The following ABCA9 variants were observed in gnomAD, a reference collection of about 807,000 sequenced individuals.
The protein encoded by ABCA9 is ATP-binding cassette sub-family A member 9.
A neutral mutation model predicts 205.3 loss-of-function variants in ABCA9; 183 were observed. The observed-to-expected ratio is 0.89, with a 90% CI of 0.79 to 1.01. The LOEUF is 1.01. ABCA9 is among the 50% of genes least tolerant of loss of function. The pLI is 0.00. For synonymous variants in ABCA9, 651 were observed against 683.3 expected (o/e 0.95, Z 0.74); for missense variants, 1,805 against 1,912.4 (o/e 0.94, Z 1.05).
the ABCA9 span, among the ~76,000 whole-genome samples, chr17:69,074,297 G>A: frequency 1.3e-5 from 2 of 152,024 alleles, no homozygotes; most frequent in Non-Finnish European, 2.9e-5. Flanking sequence ...TACATGTGAA[G>A]GTTTCTTACA....
intron 20 of ABCA9, 39 bp downstream of exon 20, chr17:69,018,374 G>A (rs1567947316): frequency 4.9e-6 from 7 of 1,438,612 alleles, no homozygotes; most frequent in Non-Finnish European, 4.6e-6. Flanking sequence ...CTCTCAACAA[G>A]AACAACATTT....
At chr17:69,052,885 C>G (rs1376619703) in intron 1 of ABCA9, among the ~76,000 whole-genome samples, 1 of 152,130 alleles carries the variant, frequency 6.6e-6, no homozygotes, top group Non-Finnish European at 1.5e-5. Context: ...GCTCACAGAA[C>G]TCAGAAAAAC....
intron 2 of ABCA9, among the ~76,000 whole-genome samples, chr17:69,049,907 T>G (rs944235395): frequency 2.0e-5 from 3 of 152,084 alleles, no homozygotes; most frequent in African/African-American, 7.2e-5. Context: ...GTTGCTGGTA[T>G]GTGGAAGAAG....
intron 25 of ABCA9, among the ~76,000 whole-genome samples, chr17:69,007,198 C>T (rs540636003): frequency 3.3e-5 from 5 of 152,200 alleles, no homozygotes; most frequent in Non-Finnish European, 7.4e-5. Context: ...GTCAGGAGTT[C>T]ATGACCAGCC....
chr17:68,977,452 C>G (rs2068921489), intron 37 of ABCA9, among the ~76,000 whole-genome samples: 1 of 152,078 alleles, frequency 6.6e-6, no homozygotes, highest in Admixed American at 6.5e-5. Context: ...TACACTACAC[C>G]CTGGAGAGGC....
intron 25 of ABCA9, among the ~76,000 whole-genome samples, chr17:68,999,641 C>A (rs535438401): frequency 4.0e-5 from 6 of 151,832 alleles, no homozygotes; most frequent in Non-Finnish European, 7.4e-5. Flanking sequence ...GGTATATACG[C>A]AGTAATGGGA....
At chr17:69,045,962 C>A (rs529240020) in intron 3 of ABCA9, among the ~76,000 whole-genome samples, 5 of 152,032 alleles carry the variant, frequency 3.3e-5, no homozygotes, top group Admixed American at 6.6e-5. Context: ...AATAATTTAA[C>A]GCACAATGAA....
rs763864164 is a variant in ABCA9 at position 69,016,303 on chromosome 17, T to C, written c.2989A>G (p.Ile997Val). 1 of 1,601,410 alleles carries C rather than the reference T, an allele frequency of 6.2e-7. No homozygotes were observed. Among genetic ancestry groups the C allele is most frequent in the Non-Finnish European group, 8.5e-7 (1 of 1,175,398 alleles). The change falls in exon 22 of 39, where the codon ATT becomes GTT. Residue 997 changes from isoleucine (I) to valine (V), a missense_variant. Coordinates refer to ENST00000340001, the MANE Select transcript of ABCA9 (RefSeq NM_080283.4). ...LDVISNGLLGIFNSSEHIQTD... is the reference protein window; with the variant it reads ...LDVISNGLLGVFNSSEHIQTD... Reference sequence around the variant, plus strand: ...TGAATGTGTTCTGACGAATTAAAAATTCCAAGTAGTCCATTGCTAATGACA... The same window carrying C: ...TGAATGTGTTCTGACGAATTAAAAACTCCAAGTAGTCCATTGCTAATGACA...
chr17:69,011,172 T>C (rs979838205), intron 23 of ABCA9, among the ~76,000 whole-genome samples: 4 of 152,178 alleles, frequency 2.6e-5, no homozygotes, highest in African/African-American at 9.6e-5. Context: ...AACTAGTATC[T>C]CATTTTATAG....
At chr17:68,981,998 A>T (rs1465005291) in intron 37 of ABCA9, among the ~76,000 whole-genome samples, 4 of 152,184 alleles carry the variant, frequency 2.6e-5, no homozygotes, top group Non-Finnish European at 5.9e-5. Flanking sequence ...CCCCTGATAC[A>T]TTGATGCAGT....
At chr17:69,013,513 G>A (rs955156422) in intron 22 of ABCA9, among the ~76,000 whole-genome samples, 4 of 152,070 alleles carry the variant, frequency 2.6e-5, no homozygotes, top group African/African-American at 4.8e-5. Context: ...TACCATTGTT[G>A]ATTTTCCTGA....
At chr17:69,035,837 T>A (rs759360297) in intron 6 of ABCA9, 36 bp from the exon 7 acceptor site, 1 of 1,588,272 alleles carries the variant, frequency 6.3e-7, no homozygotes, top group Non-Finnish European at 8.6e-7. Context: ...TAGAATGTTG[T>A]TACTTCATCA....
chr17:69,011,471 T>A (rs2070370390), intron 23 of ABCA9, among the ~76,000 whole-genome samples: 1 of 152,178 alleles, frequency 6.6e-6, no homozygotes, highest in African/African-American at 2.4e-5. Context: ...CATCAGTGGA[T>A]GATGACAAGG....
intron 25 of ABCA9, among the ~76,000 whole-genome samples, chr17:69,003,946 C>T (rs549018389): frequency 2.0e-5 from 3 of 152,262 alleles, no homozygotes; most frequent in South Asian, 2.1e-4. Flanking sequence ...ACGTAGTTCT[C>T]GAGCCTTGGT....
chr17:69,018,160 A>G (rs970631455), intron 20 of ABCA9: 3 of 402,122 alleles, frequency 7.5e-6, no homozygotes, highest in South Asian at 1.2e-4. Flanking sequence ...AGGTGAGTCA[A>G]TGATTTACCT....
chr17:68,977,934 A>C (rs2068933989), intron 37 of ABCA9, among the ~76,000 whole-genome samples: 2 of 152,322 alleles, frequency 1.3e-5, no homozygotes, highest in South Asian at 4.1e-4. Context: ...ATGCTTTTGA[A>C]AGCAGAAGCA....
In ABCA9 at chr17:69,027,372, A is replaced by G. The variant is rs1187174769; in HGVS notation, c.1869T>C (p.Asn623=). ...ILAQNLSGGQ[N]RKLTFGIAIL... ...TGGCAATCCCAAAAGTTAGTTTCCT[A>G]TTTTGTCCACCACTTAAGTTTTGAG... The change falls in exon 14 of 39, where the codon AAT becomes AAC. Residue 623 remains asparagine, a synonymous_variant. Transcript: ENST00000340001. 6.2e-7 allele frequency: 1 copy of G among 1,613,262 alleles called. No homozygotes were observed. The highest frequency in any genetic ancestry group is 8.5e-7 in the Non-Finnish European group (1 of 1,179,622).
At chr17:69,033,978 T>A (rs2144380939) in intron 8 of ABCA9, 105 bp from the exon 9 acceptor site, 1 of 915,118 alleles carries the variant, frequency 1.1e-6, no homozygotes, top group Non-Finnish European at 1.7e-6. Flanking sequence ...AAATAAGATA[T>A]AATCTTGTCT....
chr17:68,976,222 T>C (rs201699458), intron 37 of ABCA9, 32 bp from the exon 38 acceptor site: 275 of 1,592,064 alleles, frequency 1.7e-4, no homozygotes, highest in Admixed American at 3.5e-5. Flanking sequence ...TTAGGAATTC[T>C]ATTTTTTTTT....
Sources: gnomAD v4.1 joint callset for allele counts (sites outside exome capture counted in the v4.1 genomes callset) on GRCh38, gnomAD v4.1.1 for gene constraint, MANE v1.5 for transcripts, NCBI Gene and HGNC (gene_info 2026-07-23, HGNC 2026-07-21) for gene names.